The following CDH12 variants were observed in gnomAD, a reference collection of about 807,000 sequenced individuals.
CDH12 encodes the protein cadherin-12.
Under a neutral mutation model 74.1 loss-of-function variants are expected in CDH12, and 41 were observed. The ratio of observed to expected loss-of-function variants is 0.55; its 90% CI spans 0.43 to 0.72. The LOEUF (loss-of-function observed/expected upper bound fraction) is 0.72. Among genes scored for constraint, CDH12 ranks in the 30% least tolerant of loss-of-function variants. The pLI is 0.00. For missense variants in CDH12, 945 were observed against 977.2 expected, an observed-to-expected ratio of 0.97 and a Z score of 0.44; for synonymous variants, 399 against 355.0, an observed-to-expected ratio of 1.12 and a Z score of -1.39.
chr5:21,815,586 CAT>C (rs1432091914), intron 9 of CDH12, among the ~76,000 whole-genome samples: 1 of 152,142 alleles, frequency 6.6e-6, no homozygotes, highest in Admixed American at 6.6e-5. Context: ...GGCTCTAATC[CAT>C]ATGTCATTAC....
intron 1 of CDH12, among the ~76,000 whole-genome samples, chr5:22,743,591 A>C (rs1450530750): frequency 6.6e-6 from 1 of 152,134 alleles, no homozygotes; most frequent in Non-Finnish European, 1.5e-5. Flanking sequence ...CAAATTACTA[A>C]AGGTCATTAT....
At chr5:22,787,416 T>G (rs1747693104) in intron 1 of CDH12, among the ~76,000 whole-genome samples, 1 of 152,128 alleles carries the variant, frequency 6.6e-6, no homozygotes, top group Non-Finnish European at 1.5e-5. Context: ...CTGATATTGG[T>G]CACATCATCT....
At chr5:22,490,608 A>G (rs1267193531) in intron 2 of CDH12, among the ~76,000 whole-genome samples, 3 of 152,188 alleles carry the variant, frequency 2.0e-5, no homozygotes, top group African/African-American at 7.2e-5. Flanking sequence ...TCTCAACTTT[A>G]GAATTGAAGT....
chr5:22,084,732 T>C (rs1176312215), intron 4 of CDH12, among the ~76,000 whole-genome samples: 1 of 152,108 alleles, frequency 6.6e-6, no homozygotes, highest in African/African-American at 2.4e-5. Context: ...CTGGCCACGG[T>C]TGTCAGCCAG....
intron 3 of CDH12, among the ~76,000 whole-genome samples, chr5:22,289,044 T>C (rs1737275309): frequency 6.6e-6 from 1 of 151,972 alleles, no homozygotes; most frequent in South Asian, 2.1e-4. Context: ...GTAATATAAA[T>C]AAGCTAAGAG....
intron 3 of CDH12, among the ~76,000 whole-genome samples, chr5:22,384,888 T>A (rs1741934008): frequency 6.6e-6 from 1 of 152,218 alleles, no homozygotes; most frequent in African/African-American, 2.4e-5. Context: ...TTTCTAATGA[T>A]TTTAATATTT....
At chr5:21,804,530 C>T (rs1384722023) in intron 9 of CDH12, among the ~76,000 whole-genome samples, 1 of 152,160 alleles carries the variant, frequency 6.6e-6, no homozygotes, top group East Asian at 1.9e-4. Context: ...TAGGATTATT[C>T]TTTATGCCTC....
chr5:22,700,615 T>C (rs1742666448), intron 1 of CDH12, among the ~76,000 whole-genome samples: 1 of 152,202 alleles, frequency 6.6e-6, no homozygotes, highest in African/African-American at 2.4e-5. Flanking sequence ...CTTTTGAGTA[T>C]TGTTGAATCT....
intron 8 of CDH12, among the ~76,000 whole-genome samples, chr5:21,841,353 A>G (rs1483549674): frequency 1.3e-5 from 2 of 151,998 alleles, no homozygotes; most frequent in Non-Finnish European, 2.9e-5. Context: ...AAAAGTCAGG[A>G]AACAACAGGT....
chr5:22,260,223 C>A (rs895376252), intron 3 of CDH12, among the ~76,000 whole-genome samples: 2 of 152,002 alleles, frequency 1.3e-5, no homozygotes, highest in Non-Finnish European at 2.9e-5. Context: ...CTTTTAAATT[C>A]TTGTGTGTGT....
intron 1 of CDH12, among the ~76,000 whole-genome samples, chr5:22,781,868 C>T (rs1356038197): frequency 6.6e-6 from 1 of 152,102 alleles, no homozygotes; most frequent in East Asian, 1.9e-4. Context: ...TGGGAGTCCA[C>T]CTCTTTCAAT....
intron 5 of CDH12, among the ~76,000 whole-genome samples, chr5:22,031,948 T>G (rs972683425): frequency 2.0e-5 from 3 of 152,032 alleles, no homozygotes; most frequent in Admixed American, 6.6e-5. Flanking sequence ...GAACCCATGT[T>G]GCAAAAATGG....
intron 4 of CDH12, among the ~76,000 whole-genome samples, chr5:22,131,553 T>A (rs1746182241): frequency 6.6e-6 from 1 of 152,132 alleles, no homozygotes; most frequent in African/African-American, 2.4e-5. Flanking sequence ...ATGGCTCCAC[T>A]CCTACTATTC....
chr5:21,883,691 T>G, intron 6 of CDH12: 4 of 1,611,558 alleles, frequency 2.5e-6, no homozygotes, highest in Non-Finnish European at 3.4e-6. Flanking sequence ...AGGCTCAACT[T>G]GAAAAACGTA....
chr5:21,890,468 C>T (rs1437983074), intron 6 of CDH12, among the ~76,000 whole-genome samples: 1 of 152,020 alleles, frequency 6.6e-6, no homozygotes, highest in East Asian at 1.9e-4. Context: ...AACTATACAG[C>T]CTTACTTTCA....
intron 3 of CDH12, among the ~76,000 whole-genome samples, chr5:22,223,009 T>C (rs896194290): frequency 8.6e-5 from 13 of 152,010 alleles, no homozygotes; most frequent in Non-Finnish European, 1.0e-4. Context: ...TGAATTGCTT[T>C]TAAAGGAGCA....
chr5:22,252,566 C>T (rs1753172196), intron 3 of CDH12, among the ~76,000 whole-genome samples: 1 of 151,892 alleles, frequency 6.6e-6, no homozygotes, highest in Non-Finnish European at 1.5e-5. Context: ...ATTACTTTAC[C>T]TCTCACAGCC....
chr5:22,363,518 C>CT (rs2126312418), intron 3 of CDH12, among the ~76,000 whole-genome samples: 1 of 152,260 alleles, frequency 6.6e-6, no homozygotes, highest in South Asian at 2.1e-4. Flanking sequence ...TCCAAACAAC[C>CT]TTTTACACAG....
At chr5:21,941,909 T>C (rs1304621092) in intron 6 of CDH12, among the ~76,000 whole-genome samples, 2 of 152,086 alleles carry the variant, frequency 1.3e-5, no homozygotes, top group African/African-American at 4.8e-5. Context: ...GTAGACAGAA[T>C]AATGGCTTAC....
Sources: allele counts gnomAD v4.1 joint callset (sites outside exome capture counted in the v4.1 genomes callset), GRCh38; gene constraint gnomAD v4.1.1; transcripts MANE v1.5; gene names NCBI Gene and HGNC (gene_info 2026-07-23, HGNC 2026-07-21).